The following NMNAT1 variants were observed in gnomAD, a reference collection of about 807,000 sequenced individuals.
NMNAT1 encodes nicotinamide nucleotide adenylyltransferase 1, also known as nicotinamide/nicotinic acid mononucleotide adenylyltransferase 1.
Under a neutral mutation model 16.7 loss-of-function variants are expected in NMNAT1, and 11 were observed. The observed-to-expected ratio is 0.66, with a 90% CI of 0.41 to 1.09. The LOEUF is 1.09. Among genes scored for constraint, NMNAT1 ranks in the 50% least tolerant of loss-of-function variants. The pLI, the probability that NMNAT1 is intolerant of heterozygous loss-of-function variation, is 0.00. For missense variants in NMNAT1, 280 were observed against 332.3 expected, an observed-to-expected ratio of 0.84 and a Z score of 1.22; for synonymous variants, 110 against 119.8, an observed-to-expected ratio of 0.92 and a Z score of 0.53.
At chr1:9,993,703 TG>T in the NMNAT1 span, among the ~76,000 whole-genome samples, 1 of 152,230 alleles carries the variant, frequency 6.6e-6, no homozygotes, top group African/African-American at 2.4e-5. Flanking sequence ...CAAGAGGACT[TG>T]CTGAGGGACT....
rs10779735 is a variant in NMNAT1, at chr1:9,983,358, G to A, written c.*657G>A. 0.79 allele frequency: 117,967 copies of A among 148,832 alleles called. 48,952 individuals carry two copies. Among genetic ancestry groups the A allele is most frequent in the Non-Finnish European group, 0.92 (62,377 of 67,726 alleles). The allele number at this position is 148,832 out of a possible 1,614,324, so 9.2% of individuals were successfully genotyped here. ...CAAAAAAGCAAAACTCCATCTCAAA[G>A]AGAAAAAAAAAAAAGACCGGGTGTG... On this transcript the variant is annotated 3_prime_UTR_variant, in exon 5 of 5. Transcript: ENST00000377205.
the NMNAT1 span, among the ~76,000 whole-genome samples, chr1:9,994,896 G>A: frequency 1.3e-5 from 2 of 152,118 alleles, no homozygotes; most frequent in African/African-American, 4.8e-5. Flanking sequence ...ACAGGCTTGA[G>A]CCACTGCGCC....
chr1:9,962,242 G>C (rs1641430080), intron 1 of NMNAT1, among the ~76,000 whole-genome samples: 1 of 151,774 alleles, frequency 6.6e-6, no homozygotes, highest in Non-Finnish European at 1.5e-5. Flanking sequence ...CAGCACTTTT[G>C]GAGGCTGAGG....
downstream of NMNAT1, among the ~76,000 whole-genome samples, chr1:9,985,866 A>G (rs1022901281): frequency 1.3e-5 from 2 of 152,112 alleles, no homozygotes; most frequent in Admixed American, 6.6e-5. Flanking sequence ...TTTCACCGTG[A>G]TGGCAAAGCT....
chr1:9,986,060 G>T (rs1642041814), downstream of NMNAT1, among the ~76,000 whole-genome samples: 1 of 152,156 alleles, frequency 6.6e-6, no homozygotes, highest in African/African-American at 2.4e-5. Context: ...CTGTCACCTC[G>T]GTTTCAGAAC....
the NMNAT1 span, among the ~76,000 whole-genome samples, chr1:9,993,335 C>T: frequency 6.6e-6 from 1 of 151,626 alleles, no homozygotes; most frequent in East Asian, 1.9e-4. Flanking sequence ...AAAAATTGGC[C>T]GGGTGTAGTG....
chr1:9,958,905 C>G (rs1222619149), intron 1 of NMNAT1, among the ~76,000 whole-genome samples: 1 of 152,116 alleles, frequency 6.6e-6, no homozygotes, highest in African/African-American at 2.4e-5. Flanking sequence ...GCACAAAATC[C>G]TATGACATAG....
intron 1 of NMNAT1, among the ~76,000 whole-genome samples, chr1:9,963,383 T>C (rs1557464283): frequency 6.6e-6 from 1 of 152,062 alleles, no homozygotes; most frequent in African/African-American, 2.4e-5. Flanking sequence ...ATAGCCTTAA[T>C]TTCCAGATTT....
In NMNAT1 at chr1:9,975,737, T is replaced by C; in HGVS notation, c.261T>C (p.Ser87=). ...GGGTGGAAGTTGATACATGGGAAAG[T>C]CTTCAGAAGGAGTGGAAAGAGACTC... ...SKWVEVDTWE[S]LQKEWKETLK... is the part of the protein sequence containing the mutation. The change falls in exon 3 of 5, where the codon AGT becomes AGC. Residue 87 remains serine, a synonymous_variant. Coordinates refer to ENST00000377205, the MANE Select transcript of NMNAT1 (RefSeq NM_022787.4). The C allele has an allele frequency of 6.2e-7, 1 of 1,614,042 alleles. No individual in the cohort carries two copies.
intron 1 of NMNAT1, chr1:9,950,488 G>A (rs781256015): frequency 6.6e-6 from 1 of 152,230 alleles, no homozygotes; most frequent in Non-Finnish European, 1.5e-5. Flanking sequence ...GTCGTGTGAT[G>A]GCCGATAGGT....
At chr1:9,945,226 C>T (rs919675953) in intron 1 of NMNAT1, among the ~76,000 whole-genome samples, 1 of 151,416 alleles carries the variant, frequency 6.6e-6, no homozygotes, top group Non-Finnish European at 1.5e-5. Context: ...AGAGCAACTC[C>T]GTCTTAAAAA....
At chr1:9,979,287 G>A (rs536189488) in intron 3 of NMNAT1, among the ~76,000 whole-genome samples, 33 of 151,952 alleles carry the variant, frequency 2.2e-4, no homozygotes, top group African/African-American at 7.5e-4. Flanking sequence ...GGGCAACATA[G>A]TGAGACCTCA....
intron 1 of NMNAT1, among the ~76,000 whole-genome samples, chr1:9,967,942 C>T (rs1641588767): frequency 6.6e-6 from 1 of 152,064 alleles, no homozygotes; most frequent in South Asian, 2.1e-4. Flanking sequence ...TACCACTGTA[C>T]TCCAGCCTGG....
chr1:9,977,781 C>T (rs1407654929), intron 3 of NMNAT1, among the ~76,000 whole-genome samples: 1 of 151,924 alleles, frequency 6.6e-6, no homozygotes, highest in Non-Finnish European at 1.5e-5. Flanking sequence ...TTGCCTGAGC[C>T]TGGGAGGCAG....
intron 1 of NMNAT1, among the ~76,000 whole-genome samples, chr1:9,951,684 A>G (rs972655060): frequency 6.6e-6 from 1 of 152,134 alleles, no homozygotes; most frequent in Admixed American, 6.6e-5. Flanking sequence ...CACATTGCCT[A>G]TGCTGGTCTT....
At chr1:9,988,380 A>G (rs1425770883), downstream of NMNAT1, among the ~76,000 whole-genome samples, 1 of 152,192 alleles carries the variant, frequency 6.6e-6, no homozygotes, top group Non-Finnish European at 1.5e-5. Flanking sequence ...AAATGGATAA[A>G]TAATCATAAG....
chr1:9,977,925 C>T (rs1273782309), intron 3 of NMNAT1, among the ~76,000 whole-genome samples: 11 of 152,092 alleles, frequency 7.2e-5, no homozygotes, highest in South Asian at 6.2e-4. Context: ...CCGATGTTGC[C>T]GTCAGAGTTC....
intron 3 of NMNAT1, among the ~76,000 whole-genome samples, chr1:9,977,523 T>G (rs906205868): frequency 6.6e-6 from 1 of 152,130 alleles, no homozygotes; most frequent in South Asian, 2.1e-4. Flanking sequence ...AGAAACCCAC[T>G]CTGGATATTT....
At chr1:9,968,399 C>T (rs1213284754) in intron 1 of NMNAT1, among the ~76,000 whole-genome samples, 1 of 151,030 alleles carries the variant, frequency 6.6e-6, no homozygotes, top group Non-Finnish European at 1.5e-5. Flanking sequence ...TGTCTTGGAT[C>T]TGTATTGTTT....
Sources: allele counts gnomAD v4.1 joint callset (sites outside exome capture counted in the v4.1 genomes callset), GRCh38; gene constraint gnomAD v4.1.1; transcripts MANE v1.5; gene names NCBI Gene and HGNC (gene_info 2026-07-23, HGNC 2026-07-21).